GALNTL6: variants seen among roughly 807,000 people sequenced by gnomAD.
GALNTL6 encodes polypeptide N-acetylgalactosaminyltransferase-like 6.
In GALNTL6, 46 loss-of-function variants were observed where a neutral mutation model predicts 73.7. The observed-to-expected ratio is 0.62, with a 90% CI of 0.49 to 0.80. The LOEUF is 0.80. GALNTL6 is among the 30% of genes least tolerant of loss of function. The pLI, the probability that GALNTL6 is intolerant of heterozygous loss-of-function variation, is 0.00. For synonymous variants in GALNTL6, 259 were observed against 263.7 expected (o/e 0.98, Z 0.17); for missense variants, 604 against 755.0 (o/e 0.80, Z 2.34).
intron 2 of GALNTL6, among the ~76,000 whole-genome samples, chr4:172,167,251 AG>A (rs1369085690): frequency 6.6e-6 from 1 of 152,252 alleles, no homozygotes; most frequent in Non-Finnish European, 1.5e-5. Flanking sequence ...TCATTAAGAA[AG>A]ACTATTTTTA....
chr4:171,881,593 A>C (rs1364216520), intron 2 of GALNTL6, among the ~76,000 whole-genome samples: 1 of 152,242 alleles, frequency 6.6e-6, no homozygotes, highest in Non-Finnish European at 1.5e-5. Flanking sequence ...ACCCAGGATC[A>C]ATACTTTGTA....
At chr4:172,896,089 T>A (rs769566067) in intron 8 of GALNTL6, among the ~76,000 whole-genome samples, 18 of 152,218 alleles carry the variant, frequency 1.2e-4, no homozygotes, top group Non-Finnish European at 2.5e-4. Flanking sequence ...GTCTGAGAGG[T>A]CACACATCTC....
chr4:172,560,570 ACT>A (rs1442917585), intron 5 of GALNTL6, among the ~76,000 whole-genome samples: 1 of 152,080 alleles, frequency 6.6e-6, no homozygotes, highest in Non-Finnish European at 1.5e-5. Context: ...TCAGTATTAA[ACT>A]CACATGTAGC....
At chr4:172,474,750 C>A (rs573637454) in intron 5 of GALNTL6, among the ~76,000 whole-genome samples, 1 of 152,120 alleles carries the variant, frequency 6.6e-6, no homozygotes, top group South Asian at 2.1e-4. Context: ...TTATATTATT[C>A]TCTTGATTCT....
At chr4:172,399,013 T>C (rs956387001) in intron 5 of GALNTL6, among the ~76,000 whole-genome samples, 6 of 152,144 alleles carry the variant, frequency 3.9e-5, no homozygotes, top group Admixed American at 6.6e-5. Flanking sequence ...TGATAGCTTC[T>C]ATATTTTATT....
chr4:172,571,927 G>A (rs553286615), intron 5 of GALNTL6, among the ~76,000 whole-genome samples: 1 of 152,180 alleles, frequency 6.6e-6, no homozygotes, highest in East Asian at 1.9e-4. Context: ...GACATAAGTT[G>A]CCCTGCAGGC....
intron 2 of GALNTL6, among the ~76,000 whole-genome samples, chr4:171,930,568 C>T (rs1346062502): frequency 2.0e-5 from 3 of 152,134 alleles, no homozygotes; most frequent in Non-Finnish European, 4.4e-5. Flanking sequence ...GGCATGGTGG[C>T]TCATGCCTGT....
At chr4:172,831,859 C>G (rs1742657589) in intron 7 of GALNTL6, among the ~76,000 whole-genome samples, 1 of 152,200 alleles carries the variant, frequency 6.6e-6, no homozygotes, top group Non-Finnish European at 1.5e-5. Context: ...GAAGACACAA[C>G]AAGACGTCTG....
At chr4:171,963,450 G>A (rs1277745013) in intron 2 of GALNTL6, among the ~76,000 whole-genome samples, 3 of 136,726 alleles carry the variant, frequency 2.2e-5, no homozygotes, top group Admixed American at 2.1e-4. Context: ...TTAAAGAGTG[G>A]AATTTAAAGA....
At position 171,923,786 on chromosome 4, in the gene GALNTL6, C is replaced by CTCTGTGTGTG. The variant is rs1189195927; in HGVS notation, c.138+109069_138+109070insCTGTGTGTGT. On this transcript the variant is annotated intron_variant, in intron 2 of 12. Transcript: ENST00000506823. The stretch of plus-strand genomic sequence containing the variant: ...CTACCAGGACACACAAAAAGTATTG[C>CTCTGTGTGTG]TGTGTGTGTGTGTGTGTGTGTGTGT... 1.3e-3 allele frequency among the ~76,000 whole-genome samples: 177 copies of CTCTGTGTGTG among 133,294 alleles called. 4 individuals carry two copies. Among genetic ancestry groups the CTCTGTGTGTG allele is most frequent in the African/African-American group, 4.8e-3 (163 of 34,272 alleles). 87.4% of individuals were successfully genotyped at this position (133,294 alleles called of 152,430 possible).
chr4:172,850,610 A>G (rs1436613157), intron 7 of GALNTL6, among the ~76,000 whole-genome samples: 1 of 152,114 alleles, frequency 6.6e-6, no homozygotes, highest in Non-Finnish European at 1.5e-5. Context: ...TTCTGACACT[A>G]TCTACCTGGA....
At chr4:172,145,209 T>G (rs1265338400) in intron 2 of GALNTL6, among the ~76,000 whole-genome samples, 13 of 152,056 alleles carry the variant, frequency 8.5e-5, no homozygotes, top group African/African-American at 2.9e-4. Flanking sequence ...GCGAGATCTC[T>G]GCTCACTGCA....
At chr4:172,028,192 AG>A (rs1741650842) in intron 2 of GALNTL6, among the ~76,000 whole-genome samples, 1 of 152,094 alleles carries the variant, frequency 6.6e-6, no homozygotes, top group South Asian at 2.1e-4. Flanking sequence ...GTGATGATAT[AG>A]AAACTACCAA....
At chr4:172,378,384 G>A (rs935317910) in intron 5 of GALNTL6, among the ~76,000 whole-genome samples, 1 of 152,080 alleles carries the variant, frequency 6.6e-6, no homozygotes, top group East Asian at 1.9e-4. Context: ...GCATCAGAAA[G>A]GTTGCTGGGA....
intron 10 of GALNTL6, among the ~76,000 whole-genome samples, chr4:172,954,371 C>T (rs561998170): frequency 1.3e-5 from 2 of 152,312 alleles, no homozygotes; most frequent in African/African-American, 4.8e-5. Flanking sequence ...ATATCTATTA[C>T]CCTAGATTGC....
chr4:172,257,846 C>A (rs1189375385), intron 3 of GALNTL6, among the ~76,000 whole-genome samples: 3 of 151,308 alleles, frequency 2.0e-5, no homozygotes, highest in Non-Finnish European at 3.0e-5. Flanking sequence ...CCTATCTGAT[C>A]ATTTAGTAAT....
chr4:172,792,013 G>A (rs1740020975), intron 5 of GALNTL6, among the ~76,000 whole-genome samples: 1 of 152,168 alleles, frequency 6.6e-6, no homozygotes, highest in Non-Finnish European at 1.5e-5. Context: ...TGCCTAGAGG[G>A]CATAAGTTCC....
intron 5 of GALNTL6, among the ~76,000 whole-genome samples, chr4:172,730,161 T>C (rs1429703982): frequency 2.0e-5 from 3 of 152,222 alleles, no homozygotes; most frequent in Admixed American, 2.0e-4. Flanking sequence ...AATGTAAGAG[T>C]GTGTTTTTTG....
intron 5 of GALNTL6, among the ~76,000 whole-genome samples, chr4:172,441,555 A>G (rs1040903222): frequency 6.6e-6 from 1 of 151,906 alleles, no homozygotes; most frequent in South Asian, 2.1e-4. Flanking sequence ...ACATTTTTGC[A>G]TTTTTGTGCT....
Sources: allele counts gnomAD v4.1 joint callset (sites outside exome capture counted in the v4.1 genomes callset), GRCh38; gene constraint gnomAD v4.1.1; transcripts MANE v1.5; gene names NCBI Gene and HGNC (gene_info 2026-07-23, HGNC 2026-07-21).